Variants in WNK2 observed in about 807,000 individuals in gnomAD.
WNK2 encodes WNK lysine deficient protein kinase 2.
A neutral mutation model predicts 192.1 loss-of-function variants in WNK2; 67 were observed. The ratio of observed to expected loss-of-function variants is 0.35; its 90% CI spans 0.29 to 0.43. The LOEUF (loss-of-function observed/expected upper bound fraction) is 0.43. Among genes scored for constraint, WNK2 ranks in the 20% least tolerant of loss-of-function variants. The probability of loss-of-function intolerance (pLI) is 1.00; values close to 1 mark genes in which losing one functional copy is unlikely to be tolerated. For missense variants in WNK2, 2,698 were observed against 3,089.7 expected, an observed-to-expected ratio of 0.87 and a Z score of 3.01; for synonymous variants, 1,439 against 1,393.9, an observed-to-expected ratio of 1.03 and a Z score of -0.72.
At chr9:93,240,139 C>G (rs1474813770) in intron 7 of WNK2, among the ~76,000 whole-genome samples, 163 bp downstream of exon 7, 11 of 152,142 alleles carry the variant, frequency 7.2e-5, no homozygotes, top group Non-Finnish European at 1.6e-4. Flanking sequence ...TGAGGTCTCA[C>G]AGCCTGGCCA....
At chr9:93,235,389 CA>C (rs138946338) in intron 5 of WNK2, among the ~76,000 whole-genome samples, 56 of 152,358 alleles carry the variant, frequency 3.7e-4, no homozygotes, top group African/African-American at 1.3e-3. Context: ...CATTTTGAAA[CA>C]ATGGTTTGAT....
chr9:93,289,027 G>A lies in WNK2; in HGVS notation c.4273G>A (p.Gly1425Arg), dbSNP rs1324530625. Residue 1425 changes from glycine to arginine, a missense_variant, in exon 20 of 30, where the codon GGG becomes AGG. By Grantham distance (125) the Gly-to-Arg change is moderately radical. Transcript: ENST00000427277. ...SQAGGPGTPQ[G>R]LTSELETSQP... ...GGCAGGGGGTCCAGGGACACCTCAG[G>A]GGCTGACCAGTGAGCTCGAGACGTC... 14 of 1,604,844 alleles carry A rather than the reference G, an allele frequency of 8.7e-6. No individual in the cohort carries two copies. Among genetic ancestry groups the A allele is most frequent in the Non-Finnish European group, 1.2e-5 (14 of 1,176,050 alleles).
chr9:93,221,077 C>T (rs1259576250), intron 2 of WNK2, among the ~76,000 whole-genome samples: 1 of 152,172 alleles, frequency 6.6e-6, no homozygotes, highest in Non-Finnish European at 1.5e-5. Context: ...GCTCCTGCAG[C>T]CTGCCCTGTG....
intron 29 of WNK2, among the ~76,000 whole-genome samples, 197 bp from the exon 30 acceptor site, chr9:93,320,170 A>G (rs939464181): frequency 1.3e-5 from 2 of 152,240 alleles, no homozygotes; most frequent in African/African-American, 4.8e-5. Flanking sequence ...GACTGGTCAC[A>G]CAAAGAAGGG....
rs772790491 is a variant in WNK2, at chr9:93,297,901, C to A, written c.5757C>A (p.Ile1919=). Residue 1919 remains isoleucine, a synonymous_variant, in exon 24 of 30, where the codon ATC becomes ATA. Transcript: ENST00000427277. The stretch of plus-strand genomic sequence containing the variant: ...TGCAGAGCCAGCAGAAGCAGGAGAT[C>A]GAAGCTCTGTACCGCCGCCTGGGCA... ...SELQSQQKQE[I]EALYRRLGKP... 4 of 1,593,610 alleles carry A rather than the reference C, an allele frequency of 2.5e-6. No individual in the cohort carries two copies. The Admixed American group carries it at 7.0e-5, about 28-fold the overall frequency.
chr9:93,258,169 T>C (rs1164750355), intron 11 of WNK2, among the ~76,000 whole-genome samples: 4 of 152,176 alleles, frequency 2.6e-5, no homozygotes, highest in Non-Finnish European at 5.9e-5. Flanking sequence ...CTTGATTACA[T>C]GGAGGTGTAG....
rs540414548 is a variant in WNK2 at position 93,268,120 on chromosome 9, A to G, written c.3913+55A>G. 5.8e-6 allele frequency: 9 copies of G among 1,559,570 alleles called. No individual in the cohort carries two copies. In the Admixed American group the frequency reaches 1.7e-4, roughly 29 times the overall value. On this transcript the variant is annotated intron_variant, in intron 18 of 29. Transcript: ENST00000427277. ...AAGCAGGCGTTTGATGAAAGTCCCC[A>G]CTCAGCATATTACCAGGGGTTTGGC...
At chr9:93,277,229 G>T (rs944613646) in intron 19 of WNK2, among the ~76,000 whole-genome samples, 1 of 152,188 alleles carries the variant, frequency 6.6e-6, no homozygotes, top group African/African-American at 2.4e-5. Flanking sequence ...TCAAATCTGG[G>T]TGTGGCTGTG....
At chr9:93,256,080 G>T (rs1843240545) in intron 9 of WNK2, among the ~76,000 whole-genome samples, 1 of 152,110 alleles carries the variant, frequency 6.6e-6, no homozygotes, top group Non-Finnish European at 1.5e-5. Context: ...GGGCTGATGT[G>T]CCCGGGCACC....
chr9:93,255,961 C>T (rs1380456455), intron 9 of WNK2, among the ~76,000 whole-genome samples: 2 of 152,320 alleles, frequency 1.3e-5, no homozygotes, highest in African/African-American at 2.4e-5. Context: ...TACATGGTCA[C>T]AGTCATATGG....
chr9:93,313,163 C>T (rs573458168), intron 28 of WNK2, among the ~76,000 whole-genome samples: 56 of 152,268 alleles, frequency 3.7e-4, no homozygotes, highest in African/African-American at 1.3e-3. Flanking sequence ...TTAAGACAGT[C>T]GGTTTAAAGC....
intron 9 of WNK2, among the ~76,000 whole-genome samples, chr9:93,253,295 G>A (rs753501337): frequency 2.6e-5 from 4 of 151,808 alleles, no homozygotes; most frequent in South Asian, 2.1e-4. Flanking sequence ...TGTCAGCTGC[G>A]GAACTGCTGG....
At chr9:93,238,676 C>T (rs1429957891) in intron 6 of WNK2, among the ~76,000 whole-genome samples, 2 of 152,228 alleles carry the variant, frequency 1.3e-5, no homozygotes, top group African/African-American at 4.8e-5. Flanking sequence ...CCTCTCTGCT[C>T]CTCTCTGCAT....
At chr9:93,318,669 C>CA in intron 29 of WNK2, 1 of 1,510,806 alleles carries the variant, frequency 6.6e-7, no homozygotes, top group Non-Finnish European at 8.9e-7. Context: ...CACTTCCCTC[C>CA]CTTCTCCATG....
chr9:93,256,480 C>T (rs1349966319), intron 10 of WNK2, 26 bp downstream of exon 10: 1 of 1,498,358 alleles, frequency 6.7e-7, no homozygotes, highest in African/African-American at 1.4e-5. Flanking sequence ...CCTGTGGCCA[C>T]TGTCCCTCCA....
intron 13 of WNK2, 40 bp downstream of exon 13, chr9:93,262,147 GT>G (rs1320857529): frequency 6.5e-7 from 1 of 1,538,260 alleles, no homozygotes. Flanking sequence ...TGACTGGGCA[GT>G]TGCGGCCACC....
intron 9 of WNK2, among the ~76,000 whole-genome samples, chr9:93,253,908 G>A (rs547042334): frequency 4.6e-5 from 7 of 152,282 alleles, no homozygotes; most frequent in Middle Eastern, 3.4e-3. Context: ...CCCTCAGAGC[G>A]TAGTTTGTTT....
intron 4 of WNK2, among the ~76,000 whole-genome samples, chr9:93,233,282 C>T (rs533094314): frequency 1.9e-4 from 29 of 152,142 alleles, no homozygotes; most frequent in East Asian, 9.7e-4. Context: ...TAAAAGTTCC[C>T]GGCGTCAGGC....
At chr9:93,288,702 T>C in intron 19 of WNK2, 86 bp from the exon 20 acceptor site, 1 of 1,346,706 alleles carries the variant, frequency 7.4e-7, no homozygotes, top group Non-Finnish European at 1.0e-6. Flanking sequence ...TGGCCAGCTG[T>C]GTAAGGCATC....
Sources: gnomAD v4.1 joint callset for allele counts (sites outside exome capture counted in the v4.1 genomes callset) on GRCh38, gnomAD v4.1.1 for gene constraint, MANE v1.5 for transcripts, NCBI Gene and HGNC (gene_info 2026-07-23, HGNC 2026-07-21) for gene names.